Variants in FRMPD3 observed in about 807,000 individuals in gnomAD.
The protein encoded by FRMPD3 is FERM and PDZ domain containing 3, also known as FERM and PDZ domain-containing protein 3.
FRMPD3 carries 42 observed loss-of-function variants against 97.9 expected under a neutral mutation model. That is an observed-to-expected ratio of 0.43 (90% confidence interval 0.34 to 0.55). The LOEUF (loss-of-function observed/expected upper bound fraction) is 0.55. Ranked by LOEUF, FRMPD3 falls within the 20% of genes least tolerant of loss-of-function variation. FRMPD3 has a pLI of 0.03. For missense variants in FRMPD3, 1,303 were observed against 1,457.7 expected (o/e 0.89, Z 1.73); for synonymous variants, 577 against 581.1 (o/e 0.99, Z 0.10).
intron 2 of FRMPD3, 46 bp downstream of exon 2, chrX:107,526,782 C>T (rs376747601): frequency 3.7e-6 from 4 of 1,092,202 alleles, no homozygotes; most frequent in Non-Finnish European, 4.9e-6. Flanking sequence ...TCCTGTCTCC[C>T]AACACCCACA....
chrX:107,497,731 A>G (rs1041247697), intron 1 of FRMPD3, among the ~76,000 whole-genome samples: 2 of 112,558 alleles, frequency 1.8e-5, no homozygotes, highest in Non-Finnish European at 3.8e-5. Flanking sequence ...TCTTACAACC[A>G]GAATGCTCAG....
At chrX:107,543,817 GAA>G (rs58427780) in intron 4 of FRMPD3, among the ~76,000 whole-genome samples, 3 of 66,494 alleles carry the variant, frequency 4.5e-5, no homozygotes, top group Non-Finnish European at 2.9e-5. Flanking sequence ...CTCCTTCTCA[GAA>G]AAAAAAAAAA....
chrX:107,586,419 G>A (rs1248960133), intron 13 of FRMPD3, among the ~76,000 whole-genome samples: 1 of 94,819 alleles, frequency 1.1e-5, no homozygotes, highest in African/African-American at 3.8e-5. Flanking sequence ...TTTTTTTTTT[G>A]GAGTGTTTTT....
At chrX:107,479,792 G>A (rs1921292814) in intron 1 of FRMPD3, among the ~76,000 whole-genome samples, 1 of 106,928 alleles carries the variant, frequency 9.4e-6, no homozygotes, top group Non-Finnish European at 1.9e-5. Context: ...ACTTAACAAT[G>A]GTTAGGATGG....
At chrX:107,496,273 T>C (rs910242553) in intron 1 of FRMPD3, among the ~76,000 whole-genome samples, 1 of 111,807 alleles carries the variant, frequency 8.9e-6, no homozygotes, top group Non-Finnish European at 1.9e-5. Flanking sequence ...CCTTGGCTTA[T>C]ACTTCTGGGA....
intron 1 of FRMPD3, among the ~76,000 whole-genome samples, chrX:107,474,130 C>T (rs1226770836): frequency 1.8e-5 from 2 of 112,133 alleles, no homozygotes; most frequent in African/African-American, 6.5e-5. Flanking sequence ...ACACAGTCTT[C>T]CTCCCAGAGA....
chrX:107,489,158 C>T (rs757678966), intron 1 of FRMPD3, among the ~76,000 whole-genome samples: 8 of 109,571 alleles, frequency 7.3e-5, no homozygotes, highest in South Asian at 4.1e-4. Context: ...CTACAAAGGA[C>T]GTGAACTCTT....
intron 1 of FRMPD3, among the ~76,000 whole-genome samples, chrX:107,489,738 C>T (rs1378750329): frequency 1.8e-5 from 2 of 111,642 alleles, no homozygotes; most frequent in Non-Finnish European, 3.8e-5. Flanking sequence ...TGGATATTAG[C>T]CCTTTGTCAG....
chrX:107,486,709 C>G (rs1012199230), intron 1 of FRMPD3, among the ~76,000 whole-genome samples: 3 of 111,729 alleles, frequency 2.7e-5, no homozygotes, highest in African/African-American at 9.8e-5. Flanking sequence ...CATTCTTATG[C>G]CTGTACCACA....
At chrX:107,573,226 C>T (rs1428075150) in intron 12 of FRMPD3, among the ~76,000 whole-genome samples, 1 of 111,600 alleles carries the variant, frequency 9.0e-6, no homozygotes, top group Non-Finnish European at 1.9e-5. Flanking sequence ...GAGTTTTGAT[C>T]TGGCAGGAAG....
chrX:107,545,055 A>C (rs1486513269), intron 4 of FRMPD3: 2 of 112,036 alleles, frequency 1.8e-5, no homozygotes, highest in Non-Finnish European at 3.8e-5. Flanking sequence ...ACTCCAGCCT[A>C]GGCGACAAGA....
At chrX:107,576,264 T>A in intron 12 of FRMPD3, 51 bp from the exon 13 acceptor site, 1 of 1,173,546 alleles carries the variant, frequency 8.5e-7, no homozygotes, top group Admixed American at 2.3e-5. Flanking sequence ...TGAAAATGCA[T>A]CTGCCTCCCT....
chrX:107,550,017 G>A (rs770100835), intron 5 of FRMPD3, 32 bp from the exon 6 acceptor site: 19 of 958,691 alleles, frequency 2.0e-5, no homozygotes, highest in East Asian at 3.1e-5. Flanking sequence ...TAAATGAGCC[G>A]GTCTCCTTGT....
chrX:107,548,464 T>G (rs938488306), intron 5 of FRMPD3, among the ~76,000 whole-genome samples: 2 of 112,233 alleles, frequency 1.8e-5, no homozygotes, highest in Non-Finnish European at 3.8e-5. Context: ...GAGTGATCAT[T>G]CAGTAAGTGC....
At chrX:107,600,237 A>G (rs1220743281) in intron 14 of FRMPD3, 66 bp from the exon 15 acceptor site, 43 of 1,120,034 alleles carry the variant, frequency 3.8e-5, no homozygotes, top group Non-Finnish European at 4.8e-5. Context: ...CCGAGGGACA[A>G]CCGTGTAGAG....
chrX:107,544,144 A>C (rs1921463208), intron 4 of FRMPD3, among the ~76,000 whole-genome samples: 2 of 111,556 alleles, frequency 1.8e-5, no homozygotes, highest in Non-Finnish European at 3.8e-5. Context: ...CCAGACACAG[A>C]AAGACAAATA....
At position 107,601,193 on chromosome X, in the gene FRMPD3, G is replaced by A; in HGVS notation, c.3154G>A (p.Asp1052Asn). The change falls in exon 15 of 15, where the codon GAC (aspartate) becomes AAC (asparagine). Residue 1052 changes from aspartate (D) to asparagine (N), a missense_variant. Asp to Asn is a conservative substitution (Grantham distance 23, BLOSUM62 1). Coordinates refer to ENST00000683843, the MANE Select transcript of FRMPD3 (RefSeq NM_001388459.1). The part of the protein sequence containing the change: ...ADSLHLSQQE[D>N]SLPVQNFPPK... Reference sequence around the variant, plus strand: ...CAGCCTGCACCTCTCCCAACAAGAGGACAGTCTGCCTGTTCAAAATTTCCC... The same window carrying A: ...CAGCCTGCACCTCTCCCAACAAGAGAACAGTCTGCCTGTTCAAAATTTCCC... 1 of 1,209,390 alleles carries A rather than the reference G, an allele frequency of 8.3e-7. No homozygotes were observed. Among genetic ancestry groups the A allele is most frequent in the Non-Finnish European group, 1.1e-6 (1 of 894,481 alleles).
At position 107,595,948 on chromosome X, in the gene FRMPD3, A is replaced by AAAAAG. The variant is rs774500644; in HGVS notation, c.1442-1354_1442-1350dup. ...GTGAGACTCCGTCTCAAAAAAAAAA[A>AAAAAG]AAAAGAAAAGAAAAGAAAAGAAAGA... On this transcript the variant is annotated intron_variant, in intron 13 of 14. Coordinates refer to ENST00000683843, the MANE Select transcript of FRMPD3 (RefSeq NM_001388459.1). Among the ~76,000 whole-genome samples the AAAAAG allele has an allele frequency of 6.2e-4, 69 of 110,587 alleles. No individual in the cohort carries two copies. In the South Asian group the frequency reaches 7.5e-3, roughly 12 times the overall value.
At chrX:107,555,170 C>T (rs1454143074) in intron 8 of FRMPD3, 2 of 112,326 alleles carry the variant, frequency 1.8e-5, no homozygotes, top group Non-Finnish European at 3.7e-5. Context: ...AGCAAAGGGC[C>T]TTGCATTTAC....
Sources: allele counts gnomAD v4.1 joint callset (sites outside exome capture counted in the v4.1 genomes callset), GRCh38; gene constraint gnomAD v4.1.1; transcripts MANE v1.5; gene names NCBI Gene and HGNC (gene_info 2026-07-23, HGNC 2026-07-21).